The following ZNRF2 variants were observed in gnomAD, a reference collection of about 807,000 sequenced individuals.
The protein encoded by ZNRF2 is E3 ubiquitin-protein ligase ZNRF2.
In ZNRF2, 16 loss-of-function variants were observed where a neutral mutation model predicts 20.4. The ratio of observed to expected loss-of-function variants is 0.79; its 90% CI spans 0.53 to 1.19. The LOEUF (loss-of-function observed/expected upper bound fraction) is 1.19. Ranked by LOEUF, ZNRF2 falls within the 50% of genes most tolerant of loss-of-function variation. The pLI, the probability that ZNRF2 is intolerant of heterozygous loss-of-function variation, is 0.00. For synonymous variants in ZNRF2, 178 were observed against 144.9 expected (o/e 1.23, Z -1.64); for missense variants, 363 against 332.4 (o/e 1.09, Z -0.72).
intron 1 of ZNRF2, among the ~76,000 whole-genome samples, chr7:30,293,247 C>CT (rs1798943499): frequency 2.7e-5 from 4 of 147,038 alleles, no homozygotes; most frequent in African/African-American, 1.0e-4. Context: ...CAAATTTTTA[C>CT]ATTTTTTTTT....
At chr7:30,290,636 G>A (rs757597002) in intron 1 of ZNRF2, among the ~76,000 whole-genome samples, 7 of 152,190 alleles carry the variant, frequency 4.6e-5, no homozygotes, top group Non-Finnish European at 1.0e-4. Flanking sequence ...TCATTCATTA[G>A]AAGCAAGTCA....
rs1054208385 is a variant in ZNRF2, at chr7:30,324,569, A to C, written c.565+832A>C. On this transcript the variant is annotated intron_variant, in intron 2 of 4. Transcript: ENST00000323037. The stretch of plus-strand genomic sequence containing the variant: ...GTCTCAAAAAAAAAAAGAAAAAAAA[A>C]CAAAAACAAACAAACAAAAAAACAG... Among the ~76,000 whole-genome samples, 8 of 150,898 alleles carry C rather than the reference A, an allele frequency of 5.3e-5. No individual in the cohort carries two copies. In the East Asian group the frequency reaches 1.2e-3, roughly 22 times the overall value.
At chr7:30,337,017 A>G (rs145179395) in intron 2 of ZNRF2, among the ~76,000 whole-genome samples, 1 of 152,202 alleles carries the variant, frequency 6.6e-6, no homozygotes, top group African/African-American at 2.4e-5. Context: ...ATAGTCTGAC[A>G]AATTTAAAAA....
chr7:30,356,959 C>T (rs1290404443), intron 3 of ZNRF2, among the ~76,000 whole-genome samples: 4 of 152,044 alleles, frequency 2.6e-5, no homozygotes, highest in Admixed American at 6.5e-5. Context: ...CCCGCCTTGG[C>T]CTCCCAAAGT....
At chr7:30,300,895 T>G (rs976701052) in intron 1 of ZNRF2, among the ~76,000 whole-genome samples, 1 of 152,228 alleles carries the variant, frequency 6.6e-6, no homozygotes, top group African/African-American at 2.4e-5. Flanking sequence ...GTTTTCATAT[T>G]TAAGCCCAGG....
intron 2 of ZNRF2, among the ~76,000 whole-genome samples, chr7:30,337,517 GA>G (rs1157827240): frequency 2.6e-5 from 4 of 152,100 alleles, no homozygotes; most frequent in African/African-American, 2.4e-5. Context: ...GTGGAAGAGG[GA>G]ACCCCTGAGA....
chr7:30,287,967 C>T (rs2128053916), intron 1 of ZNRF2, among the ~76,000 whole-genome samples: 1 of 152,292 alleles, frequency 6.6e-6, no homozygotes, highest in Admixed American at 6.5e-5. Flanking sequence ...ATGACAGGAT[C>T]AGATGAAAGT....
At chr7:30,320,564 C>A (rs1459267952) in intron 1 of ZNRF2, among the ~76,000 whole-genome samples, 1 of 152,010 alleles carries the variant, frequency 6.6e-6, no homozygotes, top group Non-Finnish European at 1.5e-5. Flanking sequence ...TCAGGGCTAG[C>A]AATATTCATA....
intron 1 of ZNRF2, 126 bp downstream of exon 1, chr7:30,285,952 C>G: frequency 7.6e-7 from 1 of 1,322,644 alleles, no homozygotes; most frequent in Non-Finnish European, 9.6e-7. Context: ...GCCTCCCGGA[C>G]CAGCCCGCGT....
At chr7:30,363,361 A>G (rs1302787357) in intron 4 of ZNRF2, among the ~76,000 whole-genome samples, 1 of 152,222 alleles carries the variant, frequency 6.6e-6, no homozygotes, top group African/African-American at 2.4e-5. Flanking sequence ...GCTCAGTACC[A>G]TTACTGTTCC....
At chr7:30,297,291 CTT>C (rs539718711) in intron 1 of ZNRF2, among the ~76,000 whole-genome samples, 18 of 152,128 alleles carry the variant, frequency 1.2e-4, no homozygotes. Flanking sequence ...TGAGATCTGT[CTT>C]TTTTCATCAT....
chr7:30,344,568 C>T (rs1224180285), intron 2 of ZNRF2, among the ~76,000 whole-genome samples: 1 of 151,904 alleles, frequency 6.6e-6, no homozygotes, highest in African/African-American at 2.4e-5. Context: ...ATATCATCTT[C>T]CCCCCATCCA....
chr7:30,285,375 C>A lies in ZNRF2; in HGVS notation c.18C>A (p.Ser6Arg). MGAKQSGPAAANGRTR... is the reference protein window; with the variant it reads MGAKQRGPAAANGRTR... ...GGGCGGACATGGGCGCCAAACAGAG[C>A]GGCCCGGCCGCCGCTAACGGCCGCA... The change falls in exon 1 of 5, where the codon AGC becomes AGA. Residue 6 changes from serine (S) to arginine (R), a missense_variant. Ser to Arg is a moderately radical substitution (Grantham distance 110). Coordinates refer to ENST00000323037, the MANE Select transcript of ZNRF2 (RefSeq NM_147128.4). 1 of 1,221,418 alleles carries A rather than the reference C, an allele frequency of 8.2e-7. No homozygotes were observed. 75.7% of individuals were successfully genotyped at this position (1,221,418 alleles called of 1,614,324 possible).
At chr7:30,355,868 T>A in intron 3 of ZNRF2, 35 bp downstream of exon 3, 1 of 1,528,416 alleles carries the variant, frequency 6.5e-7, no homozygotes, top group East Asian at 2.3e-5. Context: ...AGTAAAAGAT[T>A]GTTCTCACAG....
intron 4 of ZNRF2, among the ~76,000 whole-genome samples, chr7:30,364,909 T>A (rs1471582513): frequency 6.6e-6 from 1 of 152,132 alleles, no homozygotes; most frequent in Non-Finnish European, 1.5e-5. Flanking sequence ...AGCCAGTAGA[T>A]CTGGTGTCTG....
intron 1 of ZNRF2, among the ~76,000 whole-genome samples, chr7:30,296,323 A>G (rs1276420229): frequency 6.6e-6 from 1 of 152,226 alleles, no homozygotes; most frequent in African/African-American, 2.4e-5. Flanking sequence ...CTCTTTTATA[A>G]TCATTTGAAT....
intron 3 of ZNRF2, among the ~76,000 whole-genome samples, chr7:30,360,455 G>A (rs912635221): frequency 2.6e-5 from 4 of 152,098 alleles, no homozygotes; most frequent in Non-Finnish European, 5.9e-5. Context: ...CAACACTTTG[G>A]GAGGCTGAGG....
intron 2 of ZNRF2, among the ~76,000 whole-genome samples, chr7:30,347,341 A>G (rs1232200617): frequency 6.6e-6 from 1 of 152,132 alleles, no homozygotes. Flanking sequence ...TGTTCCTTGG[A>G]GCAGGGAGAG....
rs925095983 is a variant in ZNRF2, at chr7:30,285,637, G to A, written c.280G>A (p.Ala94Thr). 8.7e-6 allele frequency: 11 copies of A among 1,270,008 alleles called. No homozygotes were observed. The African/African-American group carries it at 1.1e-4, about 13-fold the overall frequency. 78.7% of individuals were successfully genotyped at this position (1,270,008 alleles called of 1,614,324 possible). ...GGAVGSVASG[A>T]RAAQSPFSIP... The stretch of plus-strand genomic sequence containing the variant: ...GGCCGTGGGGAGCGTGGCGTCGGGG[G>A]CCCGCGCGGCGCAGTCCCCCTTCAG... The change falls in exon 1 of 5, where the codon GCC becomes ACC. Residue 94 changes from alanine to threonine, a missense_variant. Physicochemically the swap from Ala to Thr is moderately conservative, Grantham distance 58. Around this residue, in one of 2 missense-constraint regions of ZNRF2, gnomAD observed 302 missense variants for 231.5 expected, o/e 1.30. Transcript: ENST00000323037.
Sources: gnomAD v4.1 joint callset for allele counts (sites outside exome capture counted in the v4.1 genomes callset) on GRCh38, gnomAD v4.1.1 for gene constraint, gnomAD v4.1.1 regional missense constraint, MANE v1.5 for transcripts, NCBI Gene and HGNC (gene_info 2026-07-23, HGNC 2026-07-21) for gene names.